The following GALNT15 variants were observed in gnomAD, a reference collection of about 807,000 sequenced individuals.
GALNT15 encodes polypeptide N-acetylgalactosaminyltransferase 15.
GALNT15 carries 67 observed loss-of-function variants against 66.8 expected under a neutral mutation model. That is an observed-to-expected ratio of 1.00 (90% CI 0.82 to 1.23). The LOEUF (loss-of-function observed/expected upper bound fraction) is 1.23, where lower values mean the gene tolerates loss of function less well. Ranked by LOEUF, GALNT15 falls within the 50% of genes most tolerant of loss-of-function variation. The pLI, the probability that GALNT15 is intolerant of heterozygous loss-of-function variation, is 0.00. For synonymous variants in GALNT15, 313 were observed against 311.5 expected (o/e 1.00, Z -0.05); for missense variants, 827 against 804.3 (o/e 1.03, Z -0.34).
At position 16,189,261 on chromosome 3, in the gene GALNT15, C is replaced by T. The variant is rs1033943517; in HGVS notation, c.540-6499C>T. The stretch of plus-strand genomic sequence containing the variant: ...CAATCACCCACCTGGCCTCCTTTGC[C>T]TGTAATCCATGAGGTGAACAGCACC... On this transcript the variant is annotated intron_variant, in intron 1 of 9. Coordinates refer to ENST00000339732, the MANE Select transcript of GALNT15 (RefSeq NM_054110.5). The surrounding 1 kb of genome is among the most constrained non-coding windows in gnomAD (Gnocchi z 5.1). Among the ~76,000 whole-genome samples the T allele has an allele frequency of 6.6e-6, 1 of 152,170 alleles. No individual in the cohort carries two copies. Among genetic ancestry groups the T allele is most frequent in the Non-Finnish European group, 1.5e-5 (1 of 68,030 alleles).
intron 6 of GALNT15, among the ~76,000 whole-genome samples, 155 bp downstream of exon 6, chr3:16,212,918 C>G (rs937535022): frequency 1.3e-4 from 20 of 152,178 alleles, no homozygotes; most frequent in African/African-American, 4.8e-4. Context: ...GCTCCTCCAC[C>G]TGGTGAGGCT....
downstream of GALNT15, among the ~76,000 whole-genome samples, chr3:16,235,616 G>T (rs185699809): frequency 1.7e-4 from 26 of 152,280 alleles, no homozygotes; most frequent in African/African-American, 5.8e-4. Context: ...ACTTACCAGA[G>T]AAATTTTAGG....
At position 16,184,603 on chromosome 3, in the gene GALNT15, T is replaced by A. The variant is rs751360628; in HGVS notation, c.539+8913T>A. On this transcript the variant is annotated intron_variant, in intron 1 of 9. Transcript: ENST00000339732. This position sits in a 1 kb window ranked among gnomAD's most constrained non-coding sequence, Gnocchi z 5.0. Reference sequence around the variant, plus strand: ...CAGCTGCTGAATAATGATTTGGTTATGTTTAATAGGACATAAACTCCATGC... The same window carrying A: ...CAGCTGCTGAATAATGATTTGGTTAAGTTTAATAGGACATAAACTCCATGC... Among the ~76,000 whole-genome samples the A allele has an allele frequency of 6.6e-6, 1 of 152,260 alleles. No individual in the cohort carries two copies. Among genetic ancestry groups the A allele is most frequent in the African/African-American group, 2.4e-5 (1 of 41,478 alleles).
downstream of GALNT15, among the ~76,000 whole-genome samples, chr3:16,233,039 T>C (rs1559698616): frequency 6.6e-6 from 1 of 151,158 alleles, no homozygotes; most frequent in Non-Finnish European, 1.5e-5. Context: ...AACGGATCTC[T>C]TTTTGAAGCC....
rs1277934790 is a variant in GALNT15 at position 16,184,164 on chromosome 3, A to T, written c.539+8474A>T. ...CTCCCACTCAAAGGATGAACAAAGG[A>T]GGTCAGGGGTGGGGTTTTGGACACT... On this transcript the variant is annotated intron_variant, in intron 1 of 9. Transcript: ENST00000339732. The surrounding 1 kb of genome is among the most constrained non-coding windows in gnomAD (Gnocchi z 5.0). Among the ~76,000 whole-genome samples the T allele has an allele frequency of 6.6e-6, 1 of 152,204 alleles. No homozygotes were observed. Among genetic ancestry groups the T allele is most frequent in the Non-Finnish European group, 1.5e-5 (1 of 68,036 alleles).
rs960945705 is a variant in GALNT15, at chr3:16,228,748, G to A, written c.*1248G>A. 1.5e-5 allele frequency: 15 copies of A among 985,326 alleles called. No individual in the cohort carries two copies. The African/African-American group carries it at 2.6e-4, about 17-fold the overall frequency. The allele number at this position is 985,326 out of a possible 1,614,324, so 61.0% of individuals were successfully genotyped here. A position where few individuals can be genotyped will look rare whatever the true frequency, so the allele number is the denominator to read the frequency against. On this transcript the variant is annotated 3_prime_UTR_variant, in exon 10 of 10. Transcript: ENST00000339732. ...AAAAAAGCAAACCTTTTTCCTGGGAGGAAAATGCCAGAGCCTGAGCCAAAA... is the reference window on the plus strand; with the variant it reads ...AAAAAAGCAAACCTTTTTCCTGGGAAGAAAATGCCAGAGCCTGAGCCAAAA...
rs572932729 is a variant in GALNT15 at position 16,204,195 on chromosome 3, TA to T, written c.911+3373del. The stretch of plus-strand genomic sequence containing the variant: ...CCAGCCTTTGTTCCCTGTCCCTGCC[TA>T]GCAGGTTCCCACTAGCCATGTGGCA... On this transcript the variant is annotated intron_variant, in intron 3 of 9. Transcript: ENST00000339732. The surrounding 1 kb of genome is among the most constrained non-coding windows in gnomAD (Gnocchi z 4.5). Among the ~76,000 whole-genome samples, 125 of 152,256 alleles carry T rather than the reference TA, an allele frequency of 8.2e-4. No individual in the cohort carries two copies. Among genetic ancestry groups the T allele is most frequent in the Non-Finnish European group, 1.6e-3 (106 of 67,996 alleles).
intron 8 of GALNT15, among the ~76,000 whole-genome samples, chr3:16,221,193 AT>A (rs1553687904): frequency 6.8e-6 from 1 of 146,814 alleles, no homozygotes; most frequent in Admixed American, 6.9e-5. Flanking sequence ...AAAAAAAAAA[AT>A]AAAGAAACAA....
intron 1 of GALNT15, among the ~76,000 whole-genome samples, chr3:16,178,820 G>A (rs1191164857): frequency 6.6e-6 from 1 of 152,188 alleles, no homozygotes; most frequent in Non-Finnish European, 1.5e-5. Context: ...CCAGCAGAGC[G>A]CTAGGACATC....
downstream of GALNT15, chr3:16,231,915 C>T (rs564157198): frequency 2.0e-5 from 30 of 1,534,952 alleles, no homozygotes; most frequent in African/African-American, 3.6e-4. This position sits in a 1 kb window ranked among gnomAD's most constrained non-coding sequence, Gnocchi z 4.1. Context: ...GAAGGCACTG[C>T]CGATCACTCT....
the GALNT15 span, among the ~76,000 whole-genome samples, chr3:16,244,417 C>G: frequency 6.6e-6 from 1 of 152,198 alleles, no homozygotes; most frequent in East Asian, 1.9e-4. Context: ...TGCAGCCACA[C>G]AGGAGAGCTT....
downstream of GALNT15, among the ~76,000 whole-genome samples, chr3:16,230,976 A>ATT (rs1381575716): frequency 6.6e-6 from 1 of 152,162 alleles, no homozygotes; most frequent in African/African-American, 2.4e-5. This position sits in a 1 kb window ranked among gnomAD's most constrained non-coding sequence, Gnocchi z 4.5. Flanking sequence ...AAAAAGAATG[A>ATT]GTTCATGTCC....
downstream of GALNT15, among the ~76,000 whole-genome samples, chr3:16,235,803 C>T (rs2064122216): frequency 1.3e-5 from 2 of 152,058 alleles, no homozygotes; most frequent in South Asian, 4.2e-4. Flanking sequence ...AGGATAGATA[C>T]CAGTAAGACT....
At position 16,219,874 on chromosome 3, in the gene GALNT15, T is replaced by C; in HGVS notation, c.1525-36T>C. On this transcript the variant is annotated intron_variant, in intron 7 of 9. Transcript: ENST00000339732. The surrounding 1 kb of genome is among the most constrained non-coding windows in gnomAD (Gnocchi z 4.3). ...GACCGAGGGTGTCTTTACAGTGGAATCTGGAATTCACTCCTGTGTGTGTGT... is the reference window on the plus strand; with the variant it reads ...GACCGAGGGTGTCTTTACAGTGGAACCTGGAATTCACTCCTGTGTGTGTGT... The C allele has an allele frequency of 6.5e-7, 1 of 1,531,422 alleles. No homozygotes were observed. The allele number at this position is 1,531,422 out of a possible 1,614,324, so 94.9% of individuals were successfully genotyped here. A position where few individuals can be genotyped will look rare whatever the true frequency, so the allele number is the denominator to read the frequency against.
Position 16,224,943 on chromosome 3 carries a change from GC to G in GALNT15, c.1773+2187del, listed in dbSNP as rs1434090800. On this transcript the variant is annotated intron_variant, in intron 9 of 9. Coordinates refer to ENST00000339732, the MANE Select transcript of GALNT15 (RefSeq NM_054110.5). The surrounding 1 kb of genome is among the most constrained non-coding windows in gnomAD (Gnocchi z 5.2). ...TGAGCCACCACACCAGGCCTATTAG[GC>G]CATTCTTGCATTGCTATAAAGAAAT... Among the ~76,000 whole-genome samples the G allele has an allele frequency of 6.6e-6, 1 of 152,050 alleles. No homozygotes were observed. The highest frequency in any genetic ancestry group is 1.5e-5 in the Non-Finnish European group (1 of 68,008).
In GALNT15 at chr3:16,184,712, G is replaced by A. The variant is rs181133920; in HGVS notation, c.539+9022G>A. Reference sequence around the variant, plus strand: ...TTTTGCCGGTTATCCCAAGAAGCACGGGTAGGGGCTCAGGAAAGCGGAGCA... The same window carrying A: ...TTTTGCCGGTTATCCCAAGAAGCACAGGTAGGGGCTCAGGAAAGCGGAGCA... On this transcript the variant is annotated intron_variant, in intron 1 of 9. Coordinates refer to ENST00000339732, the MANE Select transcript of GALNT15 (RefSeq NM_054110.5). The surrounding 1 kb of genome is among the most constrained non-coding windows in gnomAD (Gnocchi z 5.0). Among the ~76,000 whole-genome samples the A allele has an allele frequency of 5.9e-5, 9 of 152,326 alleles. No individual in the cohort carries two copies. Among genetic ancestry groups the A allele is most frequent in the Admixed American group, 2.0e-4 (3 of 15,302 alleles).
rs1329310698 is a variant in GALNT15 at position 16,187,767 on chromosome 3, G to T, written c.540-7993G>T. 1.3e-5 allele frequency among the ~76,000 whole-genome samples: 2 copies of T among 152,180 alleles called. No homozygotes were observed. On this transcript the variant is annotated intron_variant, in intron 1 of 9. Coordinates refer to ENST00000339732, the MANE Select transcript of GALNT15 (RefSeq NM_054110.5). This position sits in a 1 kb window ranked among gnomAD's most constrained non-coding sequence, Gnocchi z 5.1. ...AAAATTCCTATTTCAAAGGGCATTT[G>T]GGAGGAATAAATGTAATAATTCTTG...
the GALNT15 span, among the ~76,000 whole-genome samples, chr3:16,241,618 G>A: frequency 2.7e-4 from 41 of 151,994 alleles, no homozygotes; most frequent in East Asian, 7.2e-3. This position sits in a 1 kb window ranked among gnomAD's most constrained non-coding sequence, Gnocchi z 4.6. Context: ...GCGCGATCTC[G>A]GCTCACTGCA....
chr3:16,208,781 T>A (rs530939374), intron 4 of GALNT15, 111 bp downstream of exon 4: 2 of 949,960 alleles, frequency 2.1e-6, no homozygotes, highest in East Asian at 2.4e-5. Context: ...AATTACTTAA[T>A]GTATGCCACA....
Sources: allele counts gnomAD v4.1 joint callset (sites outside exome capture counted in the v4.1 genomes callset), GRCh38; gene constraint gnomAD v4.1.1; non-coding constraint Gnocchi (gnomAD v3.1); transcripts MANE v1.5; gene names NCBI Gene and HGNC (gene_info 2026-07-23, HGNC 2026-07-21).